PXDNL: variants seen among roughly 807,000 people sequenced by gnomAD.
PXDNL encodes peroxidasin like, also known as probable oxidoreductase PXDNL.
A neutral mutation model predicts 150.8 loss-of-function variants in PXDNL; 145 were observed. The observed-to-expected ratio is 0.96, with a 90% CI of 0.84 to 1.10. PXDNL has a LOEUF of 1.10. PXDNL is among the 50% of genes least tolerant of loss of function. The pLI is 0.00. For synonymous variants in PXDNL, 757 were observed against 725.7 expected (o/e 1.04, Z -0.69); for missense variants, 2,087 against 1,873.9 (o/e 1.11, Z -2.10).
chr8:51,339,376 C>T (rs1805922925), intron 21 of PXDNL, among the ~76,000 whole-genome samples: 1 of 152,200 alleles, frequency 6.6e-6, no homozygotes, highest in Non-Finnish European at 1.5e-5. Flanking sequence ...AGAAGAATCA[C>T]TTGAACCCAA....
intron 1 of PXDNL, among the ~76,000 whole-genome samples, chr8:51,739,701 C>T (rs567238968): frequency 4.0e-5 from 6 of 151,800 alleles, no homozygotes; most frequent in African/African-American, 9.7e-5. Context: ...AGTGAAGCCC[C>T]GTTTCTACTA....
At chr8:51,696,226 T>C (rs1242093901) in intron 1 of PXDNL, among the ~76,000 whole-genome samples, 17 of 152,196 alleles carry the variant, frequency 1.1e-4, no homozygotes, top group Non-Finnish European at 2.4e-4. Context: ...TCTGACTGCA[T>C]TAGAGACAGG....
intron 5 of PXDNL, among the ~76,000 whole-genome samples, chr8:51,492,305 A>C (rs1483279917): frequency 6.6e-6 from 1 of 152,174 alleles, no homozygotes; most frequent in Non-Finnish European, 1.5e-5. Flanking sequence ...ATTGGGGTGG[A>C]GCCAAGATGG....
At chr8:51,419,752 A>G (rs1012685909) in intron 14 of PXDNL, among the ~76,000 whole-genome samples, 4 of 152,230 alleles carry the variant, frequency 2.6e-5, no homozygotes, top group Non-Finnish European at 5.9e-5. Flanking sequence ...AAAACAATAA[A>G]TATATAAACA....
At chr8:51,598,086 TA>T (rs1357625775) in intron 2 of PXDNL, among the ~76,000 whole-genome samples, 1 of 152,210 alleles carries the variant, frequency 6.6e-6, no homozygotes, top group Non-Finnish European at 1.5e-5. Context: ...CTACTTTTTG[TA>T]TGTTTATTTT....
chr8:51,443,584 T>C (rs10958265), intron 12 of PXDNL, among the ~76,000 whole-genome samples: 24,141 of 152,256 alleles, frequency 0.16, 2,034 homozygotes, highest in Middle Eastern at 0.25. Context: ...AAAATTTATG[T>C]GTTCATTTTA....
intron 3 of PXDNL, among the ~76,000 whole-genome samples, chr8:51,571,947 C>G (rs999518762): frequency 6.6e-6 from 1 of 151,662 alleles, no homozygotes; most frequent in Non-Finnish European, 1.5e-5. Flanking sequence ...ATAGATTATC[C>G]CTTATTTACA....
chr8:51,360,478 T>C (rs2915486), intron 19 of PXDNL, among the ~76,000 whole-genome samples: 111,506 of 152,118 alleles, frequency 0.73, 41,418 homozygotes, highest in East Asian at 0.94. Context: ...CATGTACATG[T>C]TTATGCATAC....
In PXDNL at chr8:51,320,804, A is replaced by G; in HGVS notation, c.4240T>C (p.Cys1414Arg). Residue 1414 changes from cysteine to arginine, a missense_variant, in exon 22 of 23, where the codon TGC (cysteine) becomes CGC (arginine). Coordinates refer to ENST00000356297, the MANE Select transcript of PXDNL (RefSeq NM_144651.5). ...KAEERWMKED[C>R]THCICESGQV... ...CAAACCTCACAAATGCAGTGAGTGC[A>G]GTCTTCTTTCATCCAGCGCTCCTCG... The G allele has an allele frequency of 6.2e-7, 1 of 1,613,700 alleles. No homozygotes were observed. The highest frequency in any genetic ancestry group is 8.5e-7 in the Non-Finnish European group (1 of 1,179,630).
At position 51,408,663 on chromosome 8, in the gene PXDNL, G is replaced by C. The variant is rs1033529278; in HGVS notation, c.2961C>G (p.Ala987=). 1 of 1,603,868 alleles carries C rather than the reference G, an allele frequency of 6.2e-7. No homozygotes were observed. Among genetic ancestry groups the C allele is most frequent in the Non-Finnish European group, 8.5e-7 (1 of 1,175,112 alleles). Residue 987 remains alanine (A), a synonymous_variant, in exon 17 of 23, where the codon GCC becomes GCG. Coordinates refer to ENST00000356297, the MANE Select transcript of PXDNL (RefSeq NM_144651.5). ...TGTTTCCCTCCCAGTGGGGGTTCAG[G>C]GCGGACAGCTCCGTGGCCATCCTGT... ...EHNRMATELS[A]LNPHWEGNTV...
rs553451770 is a variant in PXDNL, at chr8:51,544,114, A to G, written c.380+12726T>C. Among the ~76,000 whole-genome samples the G allele has an allele frequency of 2.6e-5, 4 of 152,314 alleles. No individual in the cohort carries two copies. The South Asian group carries it at 6.2e-4, about 24-fold the overall frequency. On this transcript the variant is annotated intron_variant, in intron 4 of 22. Transcript: ENST00000356297. ...TAACAGGATGTGTATGTAAAAGGAGAAAATAATACCTAATCAAAAGGTCTT... is the reference window on the plus strand; with the variant it reads ...TAACAGGATGTGTATGTAAAAGGAGGAAATAATACCTAATCAAAAGGTCTT...
At chr8:51,677,659 A>T (rs779618998) in intron 1 of PXDNL, among the ~76,000 whole-genome samples, 15 of 152,382 alleles carry the variant, frequency 9.8e-5, no homozygotes, top group Non-Finnish European at 2.1e-4. Context: ...CATTTCCAAA[A>T]CAAATGGCTT....
At chr8:51,503,806 T>G (rs2130307203) in intron 4 of PXDNL, among the ~76,000 whole-genome samples, 1 of 152,328 alleles carries the variant, frequency 6.6e-6, no homozygotes, top group South Asian at 2.1e-4. Flanking sequence ...TGGCTTCAAT[T>G]ATTATCTCTA....
intron 21 of PXDNL, among the ~76,000 whole-genome samples, chr8:51,321,887 C>T (rs1805327890): frequency 1.3e-5 from 2 of 152,114 alleles, no homozygotes; most frequent in Non-Finnish European, 2.9e-5. Context: ...GAACTGTGTT[C>T]CCCCAAAATT....
intron 12 of PXDNL, among the ~76,000 whole-genome samples, chr8:51,440,483 G>A (rs1168183231): frequency 6.6e-6 from 1 of 151,902 alleles, no homozygotes; most frequent in Non-Finnish European, 1.5e-5. Flanking sequence ...ATGTGGCAGT[G>A]ACCTTTGGGG....
intron 1 of PXDNL, among the ~76,000 whole-genome samples, chr8:51,696,651 A>ACACAGGTCCACG (rs1563509931): frequency 1.1e-3 from 7 of 6,460 alleles, no homozygotes; most frequent in Admixed American, 1.8e-3. Flanking sequence ...GCACATCCAC[A>ACACAGGTCCACG]CACATCCACA....
chr8:51,465,010 A>C (rs1363817281), intron 8 of PXDNL, among the ~76,000 whole-genome samples: 1 of 152,146 alleles, frequency 6.6e-6, no homozygotes, highest in East Asian at 1.9e-4. Flanking sequence ...TACTTTACCT[A>C]TTCTAAAAAG....
At chr8:51,396,810 A>G (rs1248010870) in intron 17 of PXDNL, among the ~76,000 whole-genome samples, 1 of 152,190 alleles carries the variant, frequency 6.6e-6, no homozygotes, top group African/African-American at 2.4e-5. Flanking sequence ...TTCATACTGT[A>G]GTCCAGATAT....
chr8:51,645,582 C>A (rs561843021), intron 2 of PXDNL, among the ~76,000 whole-genome samples: 1 of 152,194 alleles, frequency 6.6e-6, no homozygotes, highest in South Asian at 2.1e-4. Context: ...GTGAACAGAT[C>A]AGATCTGTAG....
Sources: allele counts gnomAD v4.1 joint callset (sites outside exome capture counted in the v4.1 genomes callset), GRCh38; gene constraint gnomAD v4.1.1; transcripts MANE v1.5; gene names NCBI Gene and HGNC (gene_info 2026-07-23, HGNC 2026-07-21).